The following L3MBTL3 variants were observed in gnomAD, a reference collection of about 807,000 sequenced individuals.
The protein encoded by L3MBTL3 is L3MBTL histone methyl-lysine binding protein 3, also known as lethal(3)malignant brain tumor-like protein 3.
L3MBTL3 carries 27 observed loss-of-function variants against 102.3 expected under a neutral mutation model. The ratio of observed to expected loss-of-function variants is 0.26; its 90% confidence interval spans 0.19 to 0.36. The LOEUF (loss-of-function observed/expected upper bound fraction) is 0.36, where lower values mean the gene tolerates loss of function less well. L3MBTL3 is among the 10% of genes least tolerant of loss of function. The pLI, the probability that L3MBTL3 is intolerant of heterozygous loss-of-function variation, is 1.00. For synonymous variants in L3MBTL3, 340 were observed against 320.9 expected (o/e 1.06, Z -0.64); for missense variants, 798 against 955.3 (o/e 0.84, Z 2.17).
At chr6:130,089,469 A>T (rs932607651) in intron 16 of L3MBTL3, among the ~76,000 whole-genome samples, 1 of 152,062 alleles carries the variant, frequency 6.6e-6, no homozygotes, top group East Asian at 1.9e-4. Flanking sequence ...TCTATCATTG[A>T]TGGACATTTG....
At chr6:130,050,794 T>G (rs1258816474) in intron 5 of L3MBTL3, among the ~76,000 whole-genome samples, 1 of 152,170 alleles carries the variant, frequency 6.6e-6, no homozygotes, top group Non-Finnish European at 1.5e-5. Flanking sequence ...AGTCAGGAAA[T>G]GTACTACATT....
At chr6:130,104,079 C>G (rs1784848627) in intron 18 of L3MBTL3, among the ~76,000 whole-genome samples, 1 of 152,196 alleles carries the variant, frequency 6.6e-6, no homozygotes, top group Admixed American at 6.5e-5. Flanking sequence ...CAATCAGTCT[C>G]TCTCCCACCT....
chr6:130,023,485 T>C (rs1208937074), intron 2 of L3MBTL3, among the ~76,000 whole-genome samples: 2 of 152,322 alleles, frequency 1.3e-5, no homozygotes, highest in Non-Finnish European at 2.9e-5. Context: ...AAGACACTGC[T>C]TATTTTTCTT....
chr6:130,060,109 A>T lies in L3MBTL3; in HGVS notation c.833A>T (p.Gln278Leu). The change falls in exon 10 of 23, where the codon CAG becomes CTG. Residue 278 changes from glutamine to leucine, a missense_variant. By Grantham distance (113) the Gln-to-Leu change is moderately radical (BLOSUM62 -2). Around this residue, in one of 4 missense-constraint regions of L3MBTL3, gnomAD observed 434 missense variants for 506.6 expected, o/e 0.86. Transcript: ENST00000361794. ...TTAGAAGGCGTGGATCCTGAGCATCAGTCTGTGTACTGTGTCCTCACCGTC... is the reference window on the plus strand; with the variant it reads ...TTAGAAGGCGTGGATCCTGAGCATCTGTCTGTGTACTGTGTCCTCACCGTC... Reference protein sequence around the residue: ...MKLEGVDPEHQSVYCVLTVAE... With the variant: ...MKLEGVDPEHLSVYCVLTVAE... 1 of 1,612,612 alleles carries T rather than the reference A, an allele frequency of 6.2e-7. No individual in the cohort carries two copies. The highest frequency in any genetic ancestry group is 8.5e-7 in the Non-Finnish European group (1 of 1,178,634).
At chr6:130,055,112 C>G in intron 7 of L3MBTL3, 59 bp from the exon 8 acceptor site, 11 of 1,247,596 alleles carry the variant, frequency 8.8e-6, no homozygotes, top group Non-Finnish European at 1.1e-5. Context: ...AGCTCTCTAA[C>G]TATTCACTGG....
chr6:130,057,683 T>G (rs1781600298), intron 9 of L3MBTL3, among the ~76,000 whole-genome samples, 186 bp downstream of exon 9: 1 of 152,184 alleles, frequency 6.6e-6, no homozygotes, highest in African/African-American at 2.4e-5. Flanking sequence ...GCCACACATG[T>G]GCCATGTGTG....
chr6:130,052,981 A>G lies in L3MBTL3; in HGVS notation c.572A>G (p.Asp191Gly). 1 of 1,613,210 alleles carries G rather than the reference A, an allele frequency of 6.2e-7. No homozygotes were observed. Among genetic ancestry groups the G allele is most frequent in the African/African-American group, 1.3e-5 (1 of 75,058 alleles). ...ADTKEDGEER[D>G]DEMENKQDVR... The stretch of plus-strand genomic sequence containing the variant: ...ACCAAGGAGGATGGAGAAGAGAGAG[A>G]TGATGAAATGGTGAGTGCCTCTGCC... The change falls in exon 7 of 23, where the codon GAT (aspartate) becomes GGT (glycine). Residue 191 changes from aspartate (D) to glycine (G), a missense_variant. Physicochemically the swap from Asp to Gly is moderately conservative, Grantham distance 94 (BLOSUM62 -1). Transcript: ENST00000361794.
chr6:130,131,775 A>G (rs10428834), intron 20 of L3MBTL3, among the ~76,000 whole-genome samples: 18 of 152,212 alleles, frequency 1.2e-4, no homozygotes, highest in African/African-American at 3.6e-4. Context: ...TGACATGACA[A>G]TTGTAAACTG....
chr6:130,089,074 A>G (rs1374782080), intron 16 of L3MBTL3, among the ~76,000 whole-genome samples: 1 of 151,838 alleles, frequency 6.6e-6, no homozygotes, highest in Non-Finnish European at 1.5e-5. Flanking sequence ...TTTTATTATT[A>G]TTATTATTAT....
At chr6:130,031,168 A>G (rs986864039) in intron 2 of L3MBTL3, among the ~76,000 whole-genome samples, 1 of 152,180 alleles carries the variant, frequency 6.6e-6, no homozygotes, top group Non-Finnish European at 1.5e-5. Flanking sequence ...CACTTTCTCA[A>G]GTCTGGACTT....
intron 20 of L3MBTL3, among the ~76,000 whole-genome samples, 188 bp downstream of exon 20, chr6:130,121,146 T>C (rs1304710704): frequency 6.6e-6 from 1 of 152,136 alleles, no homozygotes; most frequent in Non-Finnish European, 1.5e-5. Flanking sequence ...GTCATGAGGG[T>C]TTGTTATACA....
At chr6:130,024,689 C>T (rs190454841) in intron 2 of L3MBTL3, among the ~76,000 whole-genome samples, 49 of 152,196 alleles carry the variant, frequency 3.2e-4, no homozygotes, top group South Asian at 6.2e-4. Context: ...GTGATCCCTG[C>T]GGTATTGTTT....
chr6:130,050,953 G>A (rs937044821), intron 5 of L3MBTL3, among the ~76,000 whole-genome samples: 2 of 152,146 alleles, frequency 1.3e-5, no homozygotes, highest in Non-Finnish European at 2.9e-5. Flanking sequence ...CGATATATGC[G>A]TCTTCTGAAT....
At chr6:130,109,604 T>C (rs541588869) in intron 19 of L3MBTL3, among the ~76,000 whole-genome samples, 5 of 152,352 alleles carry the variant, frequency 3.3e-5, no homozygotes, top group Admixed American at 2.0e-4. Flanking sequence ...TTCTGGATCT[T>C]AGACCTTTGT....
intron 18 of L3MBTL3, among the ~76,000 whole-genome samples, chr6:130,099,162 G>A (rs1449268187): frequency 1.3e-5 from 2 of 152,058 alleles, no homozygotes; most frequent in Non-Finnish European, 2.9e-5. Flanking sequence ...ATATTTAGCT[G>A]ATATGTGAAA....
In L3MBTL3 at chr6:130,092,858, G is replaced by T. The variant is rs1156471641; in HGVS notation, c.1632G>T (p.Leu544Phe). 1 of 1,549,508 alleles carries T rather than the reference G, an allele frequency of 6.5e-7. No homozygotes were observed. Among genetic ancestry groups the T allele is most frequent in the Non-Finnish European group, 8.9e-7 (1 of 1,121,644 alleles). Residue 544 changes from leucine (L) to phenylalanine (F), a missense_variant and splice_region_variant, in exon 17 of 23, where the codon TTG becomes TTT. By Grantham distance (22) the Leu-to-Phe change is conservative. Transcript: ENST00000361794. ...CAGGACATCCCCTTCAGCCTCCTTT[G>T]AGTAAGAGACACGAATAGCTTGTAT... is the stretch of plus-strand genomic sequence containing the variant. ...SKTGHPLQPP[L>F]SPLELMEASE...
intron 2 of L3MBTL3, among the ~76,000 whole-genome samples, chr6:130,037,530 A>G (rs1197923200): frequency 1.3e-5 from 2 of 152,042 alleles, no homozygotes; most frequent in Admixed American, 6.6e-5. Context: ...GTCTTAATTC[A>G]TTTCATATTT....
chr6:130,066,286 GTA>G (rs148263906), intron 10 of L3MBTL3, 65 bp from the exon 11 acceptor site: 8,569 of 370,588 alleles, frequency 0.023, 2 homozygotes, highest in South Asian at 0.046. Flanking sequence ...TTATTTTTGT[GTA>G]TATATATATA....
intron 16 of L3MBTL3, among the ~76,000 whole-genome samples, chr6:130,091,722 G>A (rs1339179598): frequency 6.6e-6 from 1 of 151,928 alleles, no homozygotes; most frequent in East Asian, 1.9e-4. Flanking sequence ...GGATGAACCT[G>A]GAGGACATTA....
Sources: allele counts gnomAD v4.1 joint callset (sites outside exome capture counted in the v4.1 genomes callset), GRCh38; gene constraint gnomAD v4.1.1; regional missense constraint gnomAD v4.1.1; transcripts MANE v1.5; gene names NCBI Gene and HGNC (gene_info 2026-07-23, HGNC 2026-07-21).